The following PAAF1 variants were observed in gnomAD, a reference collection of about 807,000 sequenced individuals.
PAAF1 encodes the protein proteasomal ATPase-associated factor 1.
In PAAF1, 46 loss-of-function variants were observed where a neutral mutation model predicts 52.8. That is an observed-to-expected ratio of 0.87 (90% CI 0.69 to 1.11). The LOEUF (loss-of-function observed/expected upper bound fraction) is 1.11, where lower values mean the gene tolerates loss of function less well. Among genes scored for constraint, PAAF1 ranks in the 50% most tolerant of loss-of-function variants. The pLI, the probability that PAAF1 is intolerant of heterozygous loss-of-function variation, is 0.00. For missense variants in PAAF1, 424 were observed against 477.4 expected, an observed-to-expected ratio of 0.89 and a Z score of 1.04; for synonymous variants, 178 against 172.8, an observed-to-expected ratio of 1.03 and a Z score of -0.24.
intron 11 of PAAF1, among the ~76,000 whole-genome samples, chr11:73,925,665 A>G (rs1341178916): frequency 6.6e-6 from 1 of 152,174 alleles, no homozygotes; most frequent in Non-Finnish European, 1.5e-5. Flanking sequence ...ATAGAGAAAA[A>G]CAAAAGGGGA....
intron 3 of PAAF1, among the ~76,000 whole-genome samples, chr11:73,890,711 A>G (rs188367598): frequency 6.6e-6 from 1 of 152,292 alleles, no homozygotes; most frequent in East Asian, 1.9e-4. Flanking sequence ...ATGGTGTTGA[A>G]GAGTTTCCTT....
intron 3 of PAAF1, among the ~76,000 whole-genome samples, chr11:73,888,620 A>G (rs1949122776): frequency 6.6e-6 from 1 of 152,214 alleles, no homozygotes; most frequent in Admixed American, 6.5e-5. Context: ...ACAAGAATAG[A>G]GAATACTTTG....
chr11:73,924,464 T>A, intron 10 of PAAF1, 151 bp from the exon 11 acceptor site: 1 of 624,028 alleles, frequency 1.6e-6, no homozygotes, highest in Non-Finnish European at 2.8e-6. Context: ...AAAAAAAAAG[T>A]TGGCCCACGT....
intron 2 of PAAF1, among the ~76,000 whole-genome samples, chr11:73,884,358 T>A (rs1323696115): frequency 6.6e-6 from 1 of 151,850 alleles, no homozygotes; most frequent in Non-Finnish European, 1.5e-5. Flanking sequence ...ATAAAAAAAA[T>A]AGCTGGGCAT....
intron 1 of PAAF1, among the ~76,000 whole-genome samples, chr11:73,878,226 A>T (rs1379621070): frequency 6.6e-6 from 1 of 152,228 alleles, no homozygotes; most frequent in African/African-American, 2.4e-5. Context: ...CCTATGAGAA[A>T]ATACAGCACC....
chr11:73,878,709 C>A, intron 1 of PAAF1, 70 bp from the exon 2 acceptor site: 2 of 1,434,160 alleles, frequency 1.4e-6, no homozygotes, highest in Non-Finnish European at 2.0e-6. Flanking sequence ...GACCTTCTTT[C>A]TTCCCTTGTA....
In PAAF1 at chr11:73,900,418, G is replaced by A. The variant is rs767423239; in HGVS notation, c.530G>A (p.Gly177Glu). The A allele has an allele frequency of 6.3e-7, 1 of 1,592,364 alleles. No homozygotes were observed. The highest frequency in any genetic ancestry group is 1.1e-5 in the South Asian group (1 of 88,692). ...GTGGTGACCTTCAAAGGTCACAAAGGAGGTATGAAGTGTGCTTTCTCCAAA... is the reference window on the plus strand; with the variant it reads ...GTGGTGACCTTCAAAGGTCACAAAGAAGGTATGAAGTGTGCTTTCTCCAAA... ...SCVVTFKGHK[G>E]GILDTAIVDR... is the part of the protein sequence containing the mutation. The change falls in exon 6 of 12, where the codon GGA (glycine) becomes GAA (glutamate). Residue 177 changes from glycine to glutamate, a missense_variant and splice_region_variant. Gly to Glu is a moderately conservative substitution (Grantham distance 98, BLOSUM62 -2). Transcript: ENST00000310571.
chr11:73,898,250 A>AGAG (rs1565135471), intron 4 of PAAF1, among the ~76,000 whole-genome samples: 4 of 123,042 alleles, frequency 3.3e-5, no homozygotes, highest in Non-Finnish European at 5.4e-5. Context: ...GAGAGGGAGA[A>AGAG]GGAGAGGGAG....
chr11:73,909,492 C>G lies in PAAF1; in HGVS notation c.626C>G (p.Ala209Gly), dbSNP rs3741138. 171,779 of 1,613,978 alleles carry G rather than the reference C, an allele frequency of 0.11. 9,583 individuals are homozygous for G. Among genetic ancestry groups the G allele is most frequent in the East Asian group, 0.17 (7,750 of 44,872 alleles). ...CGACTTTGGGATTGTGGGCGCTCAG[C>G]CTGCTTGGGAGTCCTTGCAGATTGT... ...TARLWDCGRS[A>G]CLGVLADCGS... Residue 209 changes from alanine (A) to glycine (G), a missense_variant, in exon 7 of 12, where the codon GCC (alanine) becomes GGC (glycine). By Grantham distance (60) the Ala-to-Gly change is moderately conservative (BLOSUM62 0). Transcript: ENST00000310571.
rs550229985 is a variant in PAAF1 at position 73,901,605 on chromosome 11, A to AT, written c.532+1200dup. Among the ~76,000 whole-genome samples, 287 of 142,064 alleles carry AT rather than the reference A, an allele frequency of 2.0e-3. 1 individual carries two copies. The highest frequency in any genetic ancestry group is 9.9e-4 in the Admixed American group (14 of 14,146). The allele number at this position is 142,064 out of a possible 152,430, so 93.2% of individuals were successfully genotyped here. A position where few individuals can be genotyped will look rare whatever the true frequency, so the allele number is the denominator to read the frequency against. On this transcript the variant is annotated intron_variant, in intron 6 of 11. Coordinates refer to ENST00000310571, the MANE Select transcript of PAAF1 (RefSeq NM_025155.3). ...TTGTGTGTGGAGATCAAGTTTTAAG[A>AT]TTTTTTTTTTTTTTTAAGATGGAGT...
intron 2 of PAAF1, among the ~76,000 whole-genome samples, chr11:73,885,440 C>G (rs1949035680): frequency 6.6e-6 from 1 of 151,942 alleles, no homozygotes; most frequent in African/African-American, 2.4e-5. Flanking sequence ...CCATGCCCGG[C>G]TGACTTTCTT....
At chr11:73,889,296 C>A in intron 3 of PAAF1, 1 of 1,131,852 alleles carries the variant, frequency 8.8e-7, no homozygotes, top group Non-Finnish European at 1.2e-6. Context: ...CCATGAGTCA[C>A]TTTGCTAATT....
At chr11:73,921,733 T>C (rs1206505555) in intron 10 of PAAF1, 8 of 1,135,164 alleles carry the variant, frequency 7.0e-6, no homozygotes, top group Non-Finnish European at 9.2e-6. Flanking sequence ...GCGTTTATCA[T>C]TCTGAGGGTC....
chr11:73,902,350 T>C (rs1319987151), intron 6 of PAAF1, among the ~76,000 whole-genome samples: 2 of 152,166 alleles, frequency 1.3e-5, no homozygotes, highest in Admixed American at 1.3e-4. Context: ...CATCACCTCC[T>C]GAAGAACTGA....
intron 6 of PAAF1, among the ~76,000 whole-genome samples, chr11:73,907,420 C>G (rs756680014): frequency 4.6e-5 from 7 of 152,156 alleles, no homozygotes; most frequent in Non-Finnish European, 8.8e-5. Flanking sequence ...TTCAGCTTCC[C>G]CCTTGGTCCT....
intron 4 of PAAF1, among the ~76,000 whole-genome samples, chr11:73,891,925 TTTTCTACTACCA>T (rs1949212871): frequency 6.6e-6 from 1 of 152,166 alleles, no homozygotes; most frequent in Non-Finnish European, 1.5e-5. Flanking sequence ...ATATAAAGCC[TTTTCTACTACCA>T]TGGGCTTCTT....
chr11:73,882,889 C>T (rs1263908363), intron 2 of PAAF1, among the ~76,000 whole-genome samples: 2 of 151,636 alleles, frequency 1.3e-5, no homozygotes, highest in Non-Finnish European at 2.9e-5. Flanking sequence ...AGGCGTGAGC[C>T]ACTGTGCCTG....
At chr11:73,911,350 T>C (rs1160740518) in intron 7 of PAAF1, among the ~76,000 whole-genome samples, 1 of 151,992 alleles carries the variant, frequency 6.6e-6, no homozygotes, top group Non-Finnish European at 1.5e-5. Context: ...ACCTAGCTAC[T>C]TTTTTTTATT....
intron 2 of PAAF1, among the ~76,000 whole-genome samples, chr11:73,885,913 C>T (rs1949046818): frequency 6.6e-6 from 1 of 151,586 alleles, no homozygotes; most frequent in Admixed American, 6.6e-5. Context: ...TCTCCTGTAA[C>T]TTCAGTTTGG....
Sources: gnomAD v4.1 joint callset for allele counts (sites outside exome capture counted in the v4.1 genomes callset) on GRCh38, gnomAD v4.1.1 for gene constraint, MANE v1.5 for transcripts, NCBI Gene and HGNC (gene_info 2026-07-23, HGNC 2026-07-21) for gene names.